RELB: variants seen among roughly 807,000 people sequenced by gnomAD.
The protein encoded by RELB is RELB proto-oncogene, NF-kB subunit.
A neutral mutation model predicts 55.4 loss-of-function variants in RELB; 14 were observed. The observed-to-expected ratio is 0.25, with a 90% CI of 0.17 to 0.40. RELB has a LOEUF of 0.40. Ranked by LOEUF, RELB falls within the 10% of genes least tolerant of loss-of-function variation. The probability of loss-of-function intolerance (pLI) is 1.00; values close to 1 mark genes in which losing one functional copy is unlikely to be tolerated. For missense variants in RELB, 669 were observed against 830.7 expected (o/e 0.81, Z 2.39); for synonymous variants, 409 against 371.3 (o/e 1.10, Z -1.17).
chr19:45,007,268 TA>T (rs112977492), intron 2 of RELB, among the ~76,000 whole-genome samples: 3,438 of 152,120 alleles, frequency 0.023, 81 homozygotes, highest in African/African-American at 0.053. Context: ...ACGTTGGGGG[TA>T]AAGGGAGGCA....
In RELB at chr19:45,012,246, C is replaced by G. The variant is rs767161172; in HGVS notation, c.474C>G (p.Thr158=). The G allele has an allele frequency of 3.5e-6, 5 of 1,445,636 alleles. No homozygotes were observed. Among genetic ancestry groups the G allele is most frequent in the Non-Finnish European group, 4.5e-6 (5 of 1,110,896 alleles). The allele number at this position is 1,445,636 out of a possible 1,614,324, so 89.6% of individuals were successfully genotyped here. ...SAGSILGESS[T]EASKTLPAIE... The stretch of plus-strand genomic sequence containing the variant: ...GCAGCATCCTTGGGGAGAGCAGCAC[C>G]GAGGCCAGCAAGACGCTGCCCGCCA... The change falls in exon 4 of 12, where the codon ACC becomes ACG. Residue 158 remains threonine (T), a synonymous_variant. Transcript: ENST00000221452.
Position 45,022,148 on chromosome 19 carries a change from G to A in RELB, c.600G>A (p.Gly200=). 6.2e-7 allele frequency: 1 copy of A among 1,612,970 alleles called. No individual in the cohort carries two copies. The highest frequency in any genetic ancestry group is 8.5e-7 in the Non-Finnish European group (1 of 1,179,702). The change falls in exon 5 of 12, where the codon GGG becomes GGA. Residue 200 remains glycine (G), a synonymous_variant. Transcript: ENST00000221452. ...PHRVHPHSLV[G]KDCTDGICRV... ...GAGTCCACCCCCACAGCCTCGTGGGGAAAGACTGCACCGACGGCATCTGCA... is the reference window on the plus strand; with the variant it reads ...GAGTCCACCCCCACAGCCTCGTGGGAAAAGACTGCACCGACGGCATCTGCA...
chr19:45,003,005 C>A lies in RELB; in HGVS notation c.154+9C>A, dbSNP rs761977171. ...CGTTTCCAGGAGCACAGGTGAGCAG[C>A]CCTCCACAGTTCCTGCCCACTCGCT... On this transcript the variant is annotated intron_variant, in intron 2 of 11. Transcript: ENST00000221452. 1.9e-6 allele frequency: 3 copies of A among 1,612,116 alleles called. No homozygotes were observed. Among genetic ancestry groups the A allele is most frequent in the Non-Finnish European group, 2.5e-6 (3 of 1,179,234 alleles).
chr19:45,012,132 C>T lies in RELB; in HGVS notation c.360C>T (p.Gly120=), dbSNP rs1463446981. 1.9e-6 allele frequency: 3 copies of T among 1,556,964 alleles called. No individual in the cohort carries two copies. Among genetic ancestry groups the T allele is most frequent in the South Asian group, 2.4e-5 (2 of 84,586 alleles). Residue 120 remains glycine, a synonymous_variant, in exon 4 of 12, where the codon GGC becomes GGT. Coordinates refer to ENST00000221452, the MANE Select transcript of RELB (RefSeq NM_006509.4). The part of the protein sequence containing the change: ...PLGRLVSPAP[G]PGPQPHLVIT... ...GCCGACTAGTGTCCCCAGCGCCGGG[C>T]CCGGGCCCGCAGCCGCACCTGGTCA...
chr19:45,020,844 A>G (rs1971476622), intron 4 of RELB, among the ~76,000 whole-genome samples: 1 of 151,898 alleles, frequency 6.6e-6, no homozygotes, highest in Non-Finnish European at 1.5e-5. Context: ...GGCGTGAGCC[A>G]CCGCACCCGG....
intron 2 of RELB, among the ~76,000 whole-genome samples, chr19:45,006,266 G>A (rs771474594): frequency 1.2e-4 from 19 of 152,106 alleles, no homozygotes; most frequent in Non-Finnish European, 1.5e-4. Flanking sequence ...GTGCGGTGGC[G>A]TGATCTAGGC....
chr19:45,017,449 T>TAAAAAAAAAAAAAAACAAAAAAAAAC (rs544678800), intron 4 of RELB, among the ~76,000 whole-genome samples: 1 of 102,702 alleles, frequency 9.7e-6, no homozygotes, highest in African/African-American at 4.8e-5. Context: ...AGAATCTGTC[T>TAAAAAAAAAAAAAAACAAAAAAAAAC]AAAAAAAAAA....
chr19:45,027,603 A>C (rs1450183800), intron 7 of RELB, among the ~76,000 whole-genome samples: 4 of 152,072 alleles, frequency 2.6e-5, no homozygotes, highest in African/African-American at 9.7e-5. Context: ...CACTGCTCTG[A>C]TTGGCCAGGT....
intron 5 of RELB, among the ~76,000 whole-genome samples, chr19:45,022,843 C>T (rs993611539): frequency 4.6e-5 from 7 of 152,070 alleles, no homozygotes; most frequent in Non-Finnish European, 7.4e-5. Context: ...GCCACCGTGC[C>T]GGCCTTTTCT....
intron 4 of RELB, among the ~76,000 whole-genome samples, chr19:45,021,206 A>G (rs577394677): frequency 7.9e-5 from 12 of 151,026 alleles, no homozygotes; most frequent in South Asian, 2.1e-4. Flanking sequence ...AGGCACGGTG[A>G]CTCACGCCTG....
chr19:45,004,379 C>T (rs1006155304), intron 2 of RELB, among the ~76,000 whole-genome samples: 4 of 151,132 alleles, frequency 2.6e-5, no homozygotes, highest in African/African-American at 7.3e-5. Flanking sequence ...TGTGCCACCA[C>T]GCTCAGCTAA....
intron 7 of RELB, among the ~76,000 whole-genome samples, chr19:45,027,604 T>C (rs957950483): frequency 7.2e-5 from 11 of 152,166 alleles, no homozygotes; most frequent in Admixed American, 2.6e-4. Flanking sequence ...ACTGCTCTGA[T>C]TGGCCAGGTC....
intron 3 of RELB, among the ~76,000 whole-genome samples, chr19:45,011,729 G>A (rs897108285): frequency 2.7e-5 from 4 of 149,538 alleles, no homozygotes; most frequent in African/African-American, 9.8e-5. Flanking sequence ...TTACAGGCGT[G>A]AGCCACCGCA....
intron 4 of RELB, among the ~76,000 whole-genome samples, chr19:45,019,669 A>G (rs911446636): frequency 1.4e-4 from 21 of 151,506 alleles, no homozygotes; most frequent in Admixed American, 1.2e-3. Context: ...CTCTTTATTT[A>G]TGTATTTATG....
intron 8 of RELB, among the ~76,000 whole-genome samples, chr19:45,031,837 A>G (rs545874234): frequency 6.6e-6 from 1 of 151,510 alleles, no homozygotes; most frequent in Admixed American, 6.6e-5. Context: ...CGGCCTCCCA[A>G]AGTGCTGGGA....
rs34510217 is a variant in RELB, at chr19:45,029,417, T to A, written c.991+425T>A. Among the ~76,000 whole-genome samples, 412 of 149,576 alleles carry A rather than the reference T, an allele frequency of 2.8e-3. 3 individuals carry two copies. Among genetic ancestry groups the A allele is most frequent in the African/African-American group, 9.6e-3 (391 of 40,934 alleles). ...AATGGCCCTTCCTCAAACAGGCTTT[T>A]AAAAAAAAAAGACAGCTGGTCACCG... is the stretch of plus-strand genomic sequence containing the variant. On this transcript the variant is annotated intron_variant, in intron 8 of 11. Coordinates refer to ENST00000221452, the MANE Select transcript of RELB (RefSeq NM_006509.4).
At chr19:45,023,838 C>A (rs1443548825) in intron 5 of RELB, among the ~76,000 whole-genome samples, 5 of 145,314 alleles carry the variant, frequency 3.4e-5, no homozygotes, top group African/African-American at 1.3e-4. Context: ...GCAATCTCTG[C>A]CTCCTGGATT....
At chr19:45,029,628 T>C (rs1209709673) in intron 8 of RELB, among the ~76,000 whole-genome samples, 3 of 151,854 alleles carry the variant, frequency 2.0e-5, no homozygotes, top group Non-Finnish European at 4.4e-5. Context: ...GGTGGGCGGA[T>C]CACCTGAGGT....
intron 11 of RELB, 112 bp downstream of exon 11, chr19:45,034,640 C>T: frequency 1.2e-6 from 1 of 831,690 alleles, no homozygotes; most frequent in South Asian, 1.6e-5. Context: ...AGGCGAGTCA[C>T]TCAGCACTTA....
Sources: allele counts gnomAD v4.1 joint callset (sites outside exome capture counted in the v4.1 genomes callset), GRCh38; gene constraint gnomAD v4.1.1; transcripts MANE v1.5; gene names NCBI Gene and HGNC (gene_info 2026-07-23, HGNC 2026-07-21).